Variants in IGSF3 observed in about 807,000 individuals in gnomAD.
IGSF3 encodes immunoglobulin superfamily member 3.
Under a neutral mutation model 114.4 loss-of-function variants are expected in IGSF3, and 23 were observed. The observed-to-expected ratio is 0.20, with a 90% CI of 0.14 to 0.28. The LOEUF (loss-of-function observed/expected upper bound fraction) is 0.28, where lower values mean the gene tolerates loss of function less well. IGSF3 is among the 10% of genes least tolerant of loss of function. The pLI is 1.00. For missense variants in IGSF3, 1,172 were observed against 1,591.5 expected, an observed-to-expected ratio of 0.74 and a Z score of 4.48; for synonymous variants, 571 against 645.2, an observed-to-expected ratio of 0.88 and a Z score of 1.74.
Position 116,579,611 on chromosome 1 carries a change from C to G in IGSF3, c.3115G>C (p.Asp1039His). 1 of 1,614,188 alleles carries G rather than the reference C, an allele frequency of 6.2e-7. No homozygotes were observed. Among genetic ancestry groups the G allele is most frequent in the Non-Finnish European group, 8.5e-7 (1 of 1,180,030 alleles). ...ERTALLSVGP[D>H]AVFGPEGSPW... is the part of the protein sequence containing the mutation. ...CTGCCCTCTGGGCCAAAGACAGCAT[C>G]TGGGCCCACGCTCAGCAGGGCCGTC... The change falls in exon 10 of 11, where the codon GAT (aspartate) becomes CAT (histidine). Residue 1039 changes from aspartate (D) to histidine (H), a missense_variant. Asp to His is a moderately conservative substitution (Grantham distance 81, BLOSUM62 -1). Coordinates refer to ENST00000369486, the MANE Select transcript of IGSF3 (RefSeq NM_001007237.3). This position sits in a 1 kb window ranked among gnomAD's most constrained non-coding sequence, Gnocchi z 6.4.
chr1:116,620,800 G>A (rs1307742217), intron 2 of IGSF3, among the ~76,000 whole-genome samples: 1 of 152,176 alleles, frequency 6.6e-6, no homozygotes, highest in Non-Finnish European at 1.5e-5. Context: ...GAGTGCAGTG[G>A]TGCAATCATA....
At chr1:116,658,777 G>A (rs1648987233) in intron 2 of IGSF3, among the ~76,000 whole-genome samples, 2 of 152,116 alleles carry the variant, frequency 1.3e-5, no homozygotes, top group African/African-American at 4.8e-5. Flanking sequence ...CTGCTAAACT[G>A]AAAACAAGGA....
rs1647441310 is a variant in IGSF3, at chr1:116,629,138, C to G, written c.44-12681G>C. On this transcript the variant is annotated intron_variant, in intron 2 of 10. Transcript: ENST00000369486. The surrounding 1 kb of genome is among the most constrained non-coding windows in gnomAD (Gnocchi z 4.3). ...AAACAAAGAATCCATCAGTCAATTA[C>G]AGCACTCTCCCCATGTGGTGAAATA... is the stretch of plus-strand genomic sequence containing the variant. Among the ~76,000 whole-genome samples, 1 of 152,206 alleles carries G rather than the reference C, an allele frequency of 6.6e-6. No individual in the cohort carries two copies. The highest frequency in any genetic ancestry group is 1.5e-5 in the Non-Finnish European group (1 of 68,036).
chr1:116,647,102 G>C lies in IGSF3; in HGVS notation c.43+19182C>G, dbSNP rs1020791600. On this transcript the variant is annotated intron_variant, in intron 2 of 10. Coordinates refer to ENST00000369486, the MANE Select transcript of IGSF3 (RefSeq NM_001007237.3). This position sits in a 1 kb window ranked among gnomAD's most constrained non-coding sequence, Gnocchi z 4.6. ...ATGGAGAGGGCAGCAATAAAAACTGGGGGACACTTAGAGGCAAAGGTATGG... is the reference window on the plus strand; with the variant it reads ...ATGGAGAGGGCAGCAATAAAAACTGCGGGACACTTAGAGGCAAAGGTATGG... 5.9e-5 allele frequency among the ~76,000 whole-genome samples: 9 copies of C among 152,182 alleles called. No individual in the cohort carries two copies. Among genetic ancestry groups the C allele is most frequent in the African/African-American group, 2.2e-4 (9 of 41,434 alleles).
At chr1:116,626,652 T>C (rs1647300527) in intron 2 of IGSF3, among the ~76,000 whole-genome samples, 1 of 152,186 alleles carries the variant, frequency 6.6e-6, no homozygotes, top group Non-Finnish European at 1.5e-5. Flanking sequence ...TTTCACCCTA[T>C]GCCATGCTTG....
At chr1:116,643,755 C>G (rs1648216998) in intron 2 of IGSF3, among the ~76,000 whole-genome samples, 1 of 152,214 alleles carries the variant, frequency 6.6e-6, no homozygotes, top group Admixed American at 6.5e-5. Flanking sequence ...GCGACAGATC[C>G]TCCGATCCCT....
intron 2 of IGSF3, among the ~76,000 whole-genome samples, chr1:116,653,981 A>T (rs1428243935): frequency 6.6e-6 from 1 of 152,264 alleles, no homozygotes; most frequent in Non-Finnish European, 1.5e-5. Context: ...TTTTGTACTG[A>T]AACATCAGAA....
At chr1:116,641,495 C>CAAAAAAAAAAA (rs57930787) in intron 2 of IGSF3, among the ~76,000 whole-genome samples, 7 of 40,690 alleles carry the variant, frequency 1.7e-4, no homozygotes, top group Admixed American at 3.2e-4. Flanking sequence ...GACTCTGTCT[C>CAAAAAAAAAAA]AAAAAAAAAA....
chr1:116,600,002 G>A lies in IGSF3; in HGVS notation c.1968C>T (p.Asn656=). The A allele has an allele frequency of 6.2e-7, 1 of 1,614,184 alleles. No homozygotes were observed. Among genetic ancestry groups the A allele is most frequent in the South Asian group, 1.1e-5 (1 of 91,088 alleles). Residue 656 remains asparagine (N), a synonymous_variant, in exon 7 of 11, where the codon AAC becomes AAT. Coordinates refer to ENST00000369486, the MANE Select transcript of IGSF3 (RefSeq NM_001007237.3). This position sits in a 1 kb window ranked among gnomAD's most constrained non-coding sequence, Gnocchi z 5.5. ...TCCTCTCCGCCAGTCGCGTCCAGGTGTTGTTGTAGTTCTTCCGCCACAGCT... is the reference window on the plus strand; with the variant it reads ...TCCTCTCCGCCAGTCGCGTCCAGGTATTGTTGTAGTTCTTCCGCCACAGCT... ...VAELWRKNYN[N]TWTRLAERTS... is the part of the protein sequence containing the mutation.
Position 116,584,690 on chromosome 1 carries a change from C to A in IGSF3, c.2803G>T (p.Ala935Ser). The change falls in exon 9 of 11, where the codon GCA (alanine) becomes TCA (serine). Residue 935 changes from alanine (A) to serine (S), a missense_variant. This residue lies in a region of IGSF3 where 423 missense variants were observed against 509.8 expected (regional missense o/e 0.83). Coordinates refer to ENST00000369486, the MANE Select transcript of IGSF3 (RefSeq NM_001007237.3). The surrounding 1 kb of genome is among the most constrained non-coding windows in gnomAD (Gnocchi z 5.8). ...GCTGTCTGCCCAGCGGTGTCCTCTG[C>A]CCGCTTATACCACATGCCACTGGGG... ...PSPSGMWYKR[A>S]EDTAGQTALT... 1 of 1,613,940 alleles carries A rather than the reference C, an allele frequency of 6.2e-7. No individual in the cohort carries two copies. Among genetic ancestry groups the A allele is most frequent in the Non-Finnish European group, 8.5e-7 (1 of 1,179,788 alleles).
At position 116,636,367 on chromosome 1, in the gene IGSF3, G is replaced by C. The variant is rs1647829573; in HGVS notation, c.44-19910C>G. ...TGGTGACAACCTTTCCTGAGCTTAGGACAGTTTTCATGCAAACTGGTTCTT... is the reference window on the plus strand; with the variant it reads ...TGGTGACAACCTTTCCTGAGCTTAGCACAGTTTTCATGCAAACTGGTTCTT... On this transcript the variant is annotated intron_variant, in intron 2 of 10. Coordinates refer to ENST00000369486, the MANE Select transcript of IGSF3 (RefSeq NM_001007237.3). This position sits in a 1 kb window ranked among gnomAD's most constrained non-coding sequence, Gnocchi z 4.5. Among the ~76,000 whole-genome samples the C allele has an allele frequency of 6.6e-6, 1 of 152,156 alleles. No individual in the cohort carries two copies. The highest frequency in any genetic ancestry group is 1.5e-5 in the Non-Finnish European group (1 of 68,036).
chr1:116,657,617 G>A lies in IGSF3; in HGVS notation c.43+8667C>T, dbSNP rs1402138679. On this transcript the variant is annotated intron_variant, in intron 2 of 10. Transcript: ENST00000369486. The surrounding 1 kb of genome is among the most constrained non-coding windows in gnomAD (Gnocchi z 4.2). ...TGGGAAACCAAAGATTTCAAAATAC[G>A]GAGCTCCTGGGGGAAGGAGAGTTAA... Among the ~76,000 whole-genome samples, 1 of 152,140 alleles carries A rather than the reference G, an allele frequency of 6.6e-6. No individual in the cohort carries two copies. The highest frequency in any genetic ancestry group is 1.5e-5 in the Non-Finnish European group (1 of 68,038).
chr1:116,636,147 C>T lies in IGSF3; in HGVS notation c.44-19690G>A, dbSNP rs1251997089. On this transcript the variant is annotated intron_variant, in intron 2 of 10. Coordinates refer to ENST00000369486, the MANE Select transcript of IGSF3 (RefSeq NM_001007237.3). This position sits in a 1 kb window ranked among gnomAD's most constrained non-coding sequence, Gnocchi z 4.5. Reference sequence around the variant, plus strand: ...GCCTTTGCCAGTCATCAAACAAAGCCTCTTGTCTCCTGAGAGCCGCTCCAC... The same window carrying T: ...GCCTTTGCCAGTCATCAAACAAAGCTTCTTGTCTCCTGAGAGCCGCTCCAC... Among the ~76,000 whole-genome samples the T allele has an allele frequency of 6.6e-6, 1 of 152,214 alleles. No homozygotes were observed. The highest frequency in any genetic ancestry group is 2.4e-5 in the African/African-American group (1 of 41,456).
chr1:116,626,424 C>T (rs989286397), intron 2 of IGSF3, among the ~76,000 whole-genome samples: 1 of 152,120 alleles, frequency 6.6e-6, no homozygotes, highest in Non-Finnish European at 1.5e-5. Context: ...CTTTATATAG[C>T]TGCACAGTAT....
rs1461923325 is a variant in IGSF3 at position 116,583,291 on chromosome 1, T to C, written c.2848+1354A>G. 2.0e-5 allele frequency among the ~76,000 whole-genome samples: 3 copies of C among 152,204 alleles called. No homozygotes were observed. Among genetic ancestry groups the C allele is most frequent in the Non-Finnish European group, 4.4e-5 (3 of 68,036 alleles). ...GTGGGGGCACTCAGCTGCCATTCTC[T>C]ACAATTTCACCTTCGGGAAAAGACA... On this transcript the variant is annotated intron_variant, in intron 9 of 10. Coordinates refer to ENST00000369486, the MANE Select transcript of IGSF3 (RefSeq NM_001007237.3). This position sits in a 1 kb window ranked among gnomAD's most constrained non-coding sequence, Gnocchi z 4.5.
rs1350395724 is a variant in IGSF3, at chr1:116,629,755, G to A, written c.44-13298C>T. Among the ~76,000 whole-genome samples, 2 of 152,204 alleles carry A rather than the reference G, an allele frequency of 1.3e-5. No homozygotes were observed. The highest frequency in any genetic ancestry group is 4.8e-5 in the African/African-American group (2 of 41,454). On this transcript the variant is annotated intron_variant, in intron 2 of 10. Transcript: ENST00000369486. This position sits in a 1 kb window ranked among gnomAD's most constrained non-coding sequence, Gnocchi z 4.3. ...CACAAGGGCCTGGTTGAACAGGTTT[G>A]ACCTCATTTACTTTTTCTTAAAGCT...
At position 116,666,974 on chromosome 1, in the gene IGSF3, G is replaced by C. The variant is rs1055035247; in HGVS notation, c.-630-18C>G. On this transcript the variant is annotated intron_variant, in intron 1 of 10. Transcript: ENST00000369486. ...GCAGATTTCTAAAACAAACACAACA[G>C]AGATTTTTATCAAAGGCAAAGCTGC... is the stretch of plus-strand genomic sequence containing the variant. 1 of 400,450 alleles carries C rather than the reference G, an allele frequency of 2.5e-6. No homozygotes were observed. Among genetic ancestry groups the C allele is most frequent in the Non-Finnish European group, 4.4e-6 (1 of 227,904 alleles). 24.8% of individuals were successfully genotyped at this position (400,450 alleles called of 1,614,324 possible).
chr1:116,593,951 G>A lies in IGSF3; in HGVS notation c.2030-4847C>T, dbSNP rs1251058747. ...CTGCCTCGTGTCCTGTGTGACTTTC[G>A]AATGACATTCATATGGGCAAAAATT... On this transcript the variant is annotated intron_variant, in intron 7 of 10. Transcript: ENST00000369486. The surrounding 1 kb of genome is among the most constrained non-coding windows in gnomAD (Gnocchi z 4.5). Among the ~76,000 whole-genome samples, 3 of 152,216 alleles carry A rather than the reference G, an allele frequency of 2.0e-5. No individual in the cohort carries two copies. The highest frequency in any genetic ancestry group is 6.5e-5 in the Admixed American group (1 of 15,276).
At chr1:116,580,548 A>G (rs1297657674) in intron 9 of IGSF3, among the ~76,000 whole-genome samples, 1 of 152,186 alleles carries the variant, frequency 6.6e-6, no homozygotes, top group Non-Finnish European at 1.5e-5. Flanking sequence ...AAGAAGAGAG[A>G]TCTCTCTCCA....
Sources: allele counts gnomAD v4.1 joint callset (sites outside exome capture counted in the v4.1 genomes callset), GRCh38; gene constraint gnomAD v4.1.1; regional missense constraint gnomAD v4.1.1; non-coding constraint Gnocchi (gnomAD v3.1); transcripts MANE v1.5; gene names NCBI Gene and HGNC (gene_info 2026-07-23, HGNC 2026-07-21).